SPAG16: variants seen among roughly 807,000 people sequenced by gnomAD.
SPAG16 encodes sperm associated antigen 16, also known as sperm-associated antigen 16 protein.
SPAG16 carries 86 observed loss-of-function variants against 80.4 expected under a neutral mutation model. The ratio of observed to expected loss-of-function variants is 1.07; its 90% CI spans 0.90 to 1.28. The LOEUF is 1.28. Among genes scored for constraint, SPAG16 ranks in the 50% most tolerant of loss-of-function variants. The pLI is 0.00. For missense variants in SPAG16, 870 were observed against 765.3 expected (o/e 1.14, Z -1.61); for synonymous variants, 294 against 265.9 (o/e 1.11, Z -1.03).
intron 10 of SPAG16, among the ~76,000 whole-genome samples, chr2:213,857,166 G>T (rs7569899): frequency 0.015 from 2,305 of 152,260 alleles, 64 homozygotes; most frequent in African/African-American, 0.053. Context: ...GGAGGCGGAG[G>T]TTGCAGTGAG....
At chr2:214,183,796 TA>T (rs2057381566) in intron 15 of SPAG16, among the ~76,000 whole-genome samples, 1 of 151,984 alleles carries the variant, frequency 6.6e-6, no homozygotes. Context: ...AATGTGCTTT[TA>T]TGAAGACCAA....
At chr2:213,425,138 A>G (rs1034309025) in intron 9 of SPAG16, among the ~76,000 whole-genome samples, 1 of 151,782 alleles carries the variant, frequency 6.6e-6, no homozygotes. Flanking sequence ...CCTGGCTAAC[A>G]TGGTGAAACC....
At chr2:213,922,958 G>A (rs935021117) in intron 11 of SPAG16, among the ~76,000 whole-genome samples, 13 of 152,260 alleles carry the variant, frequency 8.5e-5, no homozygotes, top group African/African-American at 2.9e-4. Flanking sequence ...GGAAACATGG[G>A]GTTGCACTTG....
In SPAG16 at chr2:213,813,913, C is replaced by T. The variant is rs562217276; in HGVS notation, c.1071-48572C>T. Among the ~76,000 whole-genome samples, 45 of 152,234 alleles carry T rather than the reference C, an allele frequency of 3.0e-4. No individual in the cohort carries two copies. The South Asian group carries it at 5.2e-3, about 18-fold the overall frequency. The stretch of plus-strand genomic sequence containing the variant: ...GGAAAGAAATTCTGAGAAGCCCATA[C>T]TCTGAGGTTCAGATGCACAGGCCTG... On this transcript the variant is annotated intron_variant, in intron 10 of 15. Transcript: ENST00000331683.
chr2:214,060,465 TA>T (rs1236157602), intron 13 of SPAG16, among the ~76,000 whole-genome samples: 2 of 151,872 alleles, frequency 1.3e-5, no homozygotes, highest in African/African-American at 4.8e-5. Flanking sequence ...TGTCCAAAAA[TA>T]AAACAGAAAA....
intron 13 of SPAG16, among the ~76,000 whole-genome samples, chr2:214,015,783 A>G (rs1042383283): frequency 6.6e-6 from 1 of 152,050 alleles, no homozygotes; most frequent in Non-Finnish European, 1.5e-5. Context: ...TGTTCCATTC[A>G]GTTGGCTGGG....
At chr2:214,137,398 A>G (rs974310938) in intron 14 of SPAG16, among the ~76,000 whole-genome samples, 3 of 152,108 alleles carry the variant, frequency 2.0e-5, no homozygotes, top group African/African-American at 7.2e-5. Context: ...GTTTAGCTAT[A>G]TAATTATACA....
intron 3 of SPAG16, among the ~76,000 whole-genome samples, chr2:213,303,577 G>A (rs534763869): frequency 4.0e-5 from 6 of 151,576 alleles, no homozygotes; most frequent in South Asian, 2.1e-4. Context: ...CTCTGCCTTC[G>A]TGAGTTCAAT....
In SPAG16 at chr2:214,129,194, C is replaced by T. The variant is rs144187732; in HGVS notation, c.1594-19946C>T. On this transcript the variant is annotated intron_variant, in intron 14 of 15. Transcript: ENST00000331683. ...TCTCACCTCACCTCTTCTGTACACT[C>T]TGCCTCGCAAATTCTACCTGCCTTG... is the stretch of plus-strand genomic sequence containing the variant. Among the ~76,000 whole-genome samples the T allele has an allele frequency of 4.2e-3, 640 of 152,280 alleles. 2 individuals carry two copies. The highest frequency in any genetic ancestry group is 6.9e-3 in the Non-Finnish European group (466 of 68,022).
chr2:214,262,906 C>CATTTT (rs946542953), intron 15 of SPAG16, among the ~76,000 whole-genome samples: 7 of 152,062 alleles, frequency 4.6e-5, no homozygotes, highest in South Asian at 4.1e-4. Flanking sequence ...CAAACAGTAT[C>CATTTT]ATTTTATTTT....
intron 9 of SPAG16, 73 bp from the exon 10 acceptor site, chr2:213,489,890 T>C: frequency 5.2e-6 from 6 of 1,158,960 alleles, no homozygotes; most frequent in Non-Finnish European, 5.8e-6. Context: ...TAATTTAATA[T>C]TAAATCAGAG....
intron 10 of SPAG16, among the ~76,000 whole-genome samples, chr2:213,807,503 T>G (rs185136559): frequency 1.3e-5 from 2 of 152,308 alleles, no homozygotes; most frequent in Non-Finnish European, 2.9e-5. Flanking sequence ...TCTTTTATTC[T>G]AGTACATTCC....
chr2:213,885,638 CTT>C (rs2076527337), intron 11 of SPAG16, among the ~76,000 whole-genome samples: 1 of 152,078 alleles, frequency 6.6e-6, no homozygotes, highest in South Asian at 2.1e-4. Context: ...GCCATGAGGT[CTT>C]TGTGTGATAA....
intron 10 of SPAG16, among the ~76,000 whole-genome samples, chr2:213,493,816 G>A (rs908758200): frequency 3.3e-5 from 5 of 152,018 alleles, no homozygotes; most frequent in Non-Finnish European, 7.4e-5. Flanking sequence ...TTCTTATCCG[G>A]AGAACTCCCC....
At chr2:214,371,432 T>G (rs1699806229) in intron 15 of SPAG16, among the ~76,000 whole-genome samples, 4 of 148,918 alleles carry the variant, frequency 2.7e-5, no homozygotes. Context: ...CTCGGGAGTC[T>G]GAGGCAGGAG....
At chr2:214,143,206 G>T (rs13031099) in intron 14 of SPAG16, among the ~76,000 whole-genome samples, 16,101 of 147,718 alleles carry the variant, frequency 0.11, 970 homozygotes, top group South Asian at 0.23. Context: ...TAAAATGGAG[G>T]TGATCACCTA....
chr2:214,193,842 A>C (rs557219805), intron 15 of SPAG16, among the ~76,000 whole-genome samples: 1 of 152,138 alleles, frequency 6.6e-6, no homozygotes, highest in African/African-American at 2.4e-5. Flanking sequence ...TACTGCAAAA[A>C]CAAAACAAAA....
In SPAG16 at chr2:213,982,610, G is replaced by GGTGTATGT. The variant is rs1553687096; in HGVS notation, c.1401-31337_1401-31336insATGTGTGT. On this transcript the variant is annotated intron_variant, in intron 12 of 15. Transcript: ENST00000331683. The stretch of plus-strand genomic sequence containing the variant: ...AACTTGTTACCAAGGTATAGTTTCT[G>GGTGTATGT]GTGTGTGTGTGTGTGTGTGTGTGTG... Among the ~76,000 whole-genome samples the GGTGTATGT allele has an allele frequency of 2.1e-5, 3 of 141,858 alleles. No individual in the cohort carries two copies. In the East Asian group the frequency reaches 6.2e-4, roughly 30 times the overall value. The allele number at this position is 141,858 out of a possible 152,430, so 93.1% of individuals were successfully genotyped here.
intron 15 of SPAG16, among the ~76,000 whole-genome samples, chr2:214,276,495 G>A (rs1348852035): frequency 6.6e-6 from 1 of 152,132 alleles, no homozygotes; most frequent in Admixed American, 6.5e-5. Context: ...GCCTGGTGGT[G>A]ACAAAATCTC....
Sources: gnomAD v4.1 joint callset for allele counts (sites outside exome capture counted in the v4.1 genomes callset) on GRCh38, gnomAD v4.1.1 for gene constraint, MANE v1.5 for transcripts, NCBI Gene and HGNC (gene_info 2026-07-23, HGNC 2026-07-21) for gene names.